Variants in DHRSX observed in about 807,000 individuals in gnomAD.
The protein encoded by DHRSX is polyprenol dehydrogenase.
In DHRSX, 31 loss-of-function variants were observed where a neutral mutation model predicts 34.0. The observed-to-expected ratio is 0.91, with a 90% CI of 0.69 to 1.23. The LOEUF is 1.23. Among genes scored for constraint, DHRSX ranks in the 50% most tolerant of loss-of-function variants. The pLI is 0.00. For synonymous variants in DHRSX, 201 were observed against 183.8 expected (o/e 1.09, Z -0.76); for missense variants, 414 against 428.1 (o/e 0.97, Z 0.29).
At chrX:2,231,920 CTCTA>C (rs970731043) in intron 6 of DHRSX, among the ~76,000 whole-genome samples, 32 of 149,298 alleles carry the variant, frequency 2.1e-4, no homozygotes, top group African/African-American at 4.0e-4. Context: ...TCTTCTTTTC[CTCTA>C]TCTTTCTCTT....
chrX:2,484,702 G>A (rs2044836193), intron 1 of DHRSX, among the ~76,000 whole-genome samples: 1 of 152,138 alleles, frequency 6.6e-6, no homozygotes, highest in Non-Finnish European at 1.5e-5. Context: ...TGACGGAGCA[G>A]AAATCACTGG....
intron 4 of DHRSX, among the ~76,000 whole-genome samples, chrX:2,271,814 G>A (rs1391276450): frequency 6.6e-6 from 1 of 152,100 alleles, no homozygotes; most frequent in Non-Finnish European, 1.5e-5. Flanking sequence ...GGGCGAAGCG[G>A]GCAGATCAGT....
In DHRSX at chrX:2,266,675, G is replaced by A. The variant is rs1377343007; in HGVS notation, c.596+65C>T. On this transcript the variant is annotated intron_variant, in intron 5 of 6. Coordinates refer to ENST00000334651, the MANE Select transcript of DHRSX (RefSeq NM_145177.3). ...CAGGGAGCGCCACACCGCACAGACA[G>A]AGGGAGATGAATAACCTTTAACCCA... 2.0e-6 allele frequency: 3 copies of A among 1,492,794 alleles called. No individual in the cohort carries two copies. The African/African-American group carries it at 4.1e-5, about 21-fold the overall frequency. The allele number at this position is 1,492,794 out of a possible 1,614,324, so 92.5% of individuals were successfully genotyped here. A position where few individuals can be genotyped will look rare whatever the true frequency, so the allele number is the denominator to read the frequency against.
intron 2 of DHRSX, among the ~76,000 whole-genome samples, chrX:2,410,626 C>G (rs753834184): frequency 6.6e-6 from 1 of 152,270 alleles, no homozygotes; most frequent in East Asian, 1.9e-4. Flanking sequence ...TCATTGTATT[C>G]GGTATTCTTT....
intron 6 of DHRSX, among the ~76,000 whole-genome samples, chrX:2,222,069 C>A (rs1199464341): frequency 6.6e-6 from 1 of 152,204 alleles, no homozygotes; most frequent in Admixed American, 6.5e-5. Flanking sequence ...AGTAATGAGG[C>A]ACCGTCTGTG....
chrX:2,262,306 C>T (rs1025914809), intron 5 of DHRSX, among the ~76,000 whole-genome samples: 11 of 152,200 alleles, frequency 7.2e-5, no homozygotes, highest in Non-Finnish European at 1.2e-4. Context: ...GGTGTGAAAA[C>T]AGGAAATGCC....
intron 3 of DHRSX, among the ~76,000 whole-genome samples, chrX:2,315,126 C>T (rs930887059): frequency 6.6e-6 from 1 of 151,700 alleles, no homozygotes; most frequent in African/African-American, 2.4e-5. Context: ...CCATAGCACT[C>T]CAGCCTGGGC....
At chrX:2,339,311 G>C (rs2042611206) in intron 3 of DHRSX, among the ~76,000 whole-genome samples, 1 of 151,702 alleles carries the variant, frequency 6.6e-6, no homozygotes, top group African/African-American at 2.4e-5. Context: ...AATTCCTTTT[G>C]TATTTTTAGT....
chrX:2,235,739 G>GAAAA (rs765422799), intron 6 of DHRSX, among the ~76,000 whole-genome samples: 17 of 130,772 alleles, frequency 1.3e-4, no homozygotes, highest in African/African-American at 4.7e-4. Context: ...CATCTCAGGG[G>GAAAA]AAAAAAAAAA....
At position 2,291,482 on chromosome X, in the gene DHRSX, G is replaced by A. The variant is rs375444375; in HGVS notation, c.388+20C>T. The A allele has an allele frequency of 1.9e-6, 3 of 1,592,692 alleles. No homozygotes were observed. Among genetic ancestry groups the A allele is most frequent in the Non-Finnish European group, 2.6e-6 (3 of 1,162,124 alleles). On this transcript the variant is annotated intron_variant, in intron 4 of 6. Transcript: ENST00000334651. ...CATTCAAATTAACCCCTGGCTTGCT[G>A]CAATTTCACCAGGACTCACCATTGT... is the stretch of plus-strand genomic sequence containing the variant.
At chrX:2,450,968 A>G (rs1569502764) in intron 1 of DHRSX, among the ~76,000 whole-genome samples, 1 of 152,006 alleles carries the variant, frequency 6.6e-6, no homozygotes, top group Non-Finnish European at 1.5e-5. Flanking sequence ...CCTTCCACGC[A>G]GAGAAAATGC....
At chrX:2,482,129 CTTTTT>C (rs1356975147) in intron 1 of DHRSX, among the ~76,000 whole-genome samples, 1 of 129,840 alleles carries the variant, frequency 7.7e-6, no homozygotes, top group Non-Finnish European at 1.6e-5. Context: ...CCACGTCTGG[CTTTTT>C]TTTTTTTTTT....
At chrX:2,268,667 C>T (rs1322618678) in intron 4 of DHRSX, among the ~76,000 whole-genome samples, 1 of 152,180 alleles carries the variant, frequency 6.6e-6, no homozygotes, top group African/African-American at 2.4e-5. Context: ...CATGTGTACA[C>T]ATTTATTCAC....
chrX:2,349,816 C>T (rs986969178), intron 3 of DHRSX, among the ~76,000 whole-genome samples: 2 of 142,894 alleles, frequency 1.4e-5, no homozygotes, highest in African/African-American at 5.5e-5. Context: ...CCGAGGCGGG[C>T]GGATCACGAG....
At position 2,313,801 on chromosome X, in the gene DHRSX, C is replaced by T. The variant is rs148534134; in HGVS notation, c.287-22198G>A. ...CCCGAGAACATGTACCCCAGGTGGTCGGGGTGCAGCTTGATTTTATATATT... is the reference window on the plus strand; with the variant it reads ...CCCGAGAACATGTACCCCAGGTGGTTGGGGTGCAGCTTGATTTTATATATT... On this transcript the variant is annotated intron_variant, in intron 3 of 6. Transcript: ENST00000334651. Among the ~76,000 whole-genome samples, 231 of 152,192 alleles carry T rather than the reference C, an allele frequency of 1.5e-3. 5 individuals are homozygous for T. In the East Asian group the frequency reaches 0.036, roughly 24 times the overall value.
At chrX:2,409,077 C>T (rs191437750) in intron 2 of DHRSX, among the ~76,000 whole-genome samples, 5 of 152,202 alleles carry the variant, frequency 3.3e-5, no homozygotes, top group South Asian at 2.1e-4. Flanking sequence ...GACAGGGACC[C>T]GGGGCACCTG....
At chrX:2,273,447 A>T (rs2041584496) in intron 4 of DHRSX, among the ~76,000 whole-genome samples, 2 of 152,220 alleles carry the variant, frequency 1.3e-5, no homozygotes, top group African/African-American at 4.8e-5. Flanking sequence ...ACTCAAGAAC[A>T]GAAAAGCAAA....
At chrX:2,299,409 G>GA (rs1277896641) in intron 3 of DHRSX, among the ~76,000 whole-genome samples, 1 of 152,172 alleles carries the variant, frequency 6.6e-6, no homozygotes, top group Admixed American at 6.6e-5. Flanking sequence ...GGTGAATGAT[G>GA]TCCACGCTTC....
At chrX:2,233,300 C>A (rs781256194) in intron 6 of DHRSX, among the ~76,000 whole-genome samples, 1 of 151,830 alleles carries the variant, frequency 6.6e-6, no homozygotes, top group South Asian at 2.1e-4. Flanking sequence ...AAGTTGTCTT[C>A]TGAATACACA....
Sources: gnomAD v4.1 joint callset for allele counts (sites outside exome capture counted in the v4.1 genomes callset) on GRCh38, gnomAD v4.1.1 for gene constraint, MANE v1.5 for transcripts, NCBI Gene and HGNC (gene_info 2026-07-23, HGNC 2026-07-21) for gene names.